The following ASTN2 variants were observed in gnomAD, a reference collection of about 807,000 sequenced individuals.
ASTN2 encodes astrotactin-2.
In ASTN2, 54 loss-of-function variants were observed where a neutral mutation model predicts 139.8. The observed-to-expected ratio is 0.39, with a 90% CI of 0.31 to 0.48. The LOEUF is 0.48. Ranked by LOEUF, ASTN2 falls within the 20% of genes least tolerant of loss-of-function variation. The pLI is 0.95. For synonymous variants in ASTN2, 756 were observed against 719.5 expected (o/e 1.05, Z -0.81); for missense variants, 1,565 against 1,725.1 (o/e 0.91, Z 1.64).
chr9:116,548,240 C>T (rs1476636173), intron 19 of ASTN2, among the ~76,000 whole-genome samples: 2 of 152,104 alleles, frequency 1.3e-5, no homozygotes, highest in Non-Finnish European at 2.9e-5. Flanking sequence ...CATCAGAGGC[C>T]GTGGCATTTG....
intron 5 of ASTN2, among the ~76,000 whole-genome samples, chr9:117,047,857 T>C (rs1324321349): frequency 1.3e-5 from 2 of 152,060 alleles, no homozygotes; most frequent in Admixed American, 6.5e-5. Flanking sequence ...GTTATTATTA[T>C]TATCATCATC....
chr9:116,796,229 T>C (rs1300103744), intron 13 of ASTN2, among the ~76,000 whole-genome samples: 3 of 152,206 alleles, frequency 2.0e-5, no homozygotes, highest in Non-Finnish European at 2.9e-5. Context: ...ATAATGTGTC[T>C]ATAGTCACAC....
intron 1 of ASTN2, among the ~76,000 whole-genome samples, chr9:117,404,404 A>C (rs1830922722): frequency 6.6e-6 from 1 of 152,220 alleles, no homozygotes; most frequent in Admixed American, 6.5e-5. Context: ...GCTGTGGATT[A>C]GCTGCAGGAC....
rs143502681 is a variant in ASTN2 at position 116,620,561 on chromosome 9, C to A, written c.3073-118G>T. The A allele has an allele frequency of 2.4e-5, 31 of 1,271,520 alleles. No individual in the cohort carries two copies. The Admixed American group carries it at 4.8e-4, about 19-fold the overall frequency. The allele number at this position is 1,271,520 out of a possible 1,614,324, so 78.8% of individuals were successfully genotyped here. On this transcript the variant is annotated intron_variant, in intron 17 of 22. Transcript: ENST00000313400. Reference sequence around the variant, plus strand: ...GGCTTTAGAGTAGCCCCTTTAAGCACAAGACACCATCTATTCCCTAAGTTC... The same window carrying A: ...GGCTTTAGAGTAGCCCCTTTAAGCAAAAGACACCATCTATTCCCTAAGTTC...
intron 16 of ASTN2, among the ~76,000 whole-genome samples, chr9:116,716,635 C>A (rs1293653927): frequency 6.6e-6 from 1 of 152,136 alleles, no homozygotes; most frequent in African/African-American, 2.4e-5. Flanking sequence ...AGAGTCCTGG[C>A]CCAGAACCTC....
intron 16 of ASTN2, among the ~76,000 whole-genome samples, chr9:116,659,508 G>C (rs1055500676): frequency 2.6e-5 from 4 of 152,074 alleles, no homozygotes; most frequent in Admixed American, 2.6e-4. Flanking sequence ...GTAAAGTAAC[G>C]TGACCAAAGT....
At chr9:116,621,388 G>A (rs1004128792) in intron 17 of ASTN2, among the ~76,000 whole-genome samples, 1 of 151,126 alleles carries the variant, frequency 6.6e-6, no homozygotes, top group Non-Finnish European at 1.5e-5. Context: ...TAATTGGAAT[G>A]TGCTTCATAG....
rs573896415 is a variant in ASTN2, at chr9:116,629,721, A to G, written c.3073-9278T>C. On this transcript the variant is annotated intron_variant, in intron 17 of 22. Coordinates refer to ENST00000313400, the MANE Select transcript of ASTN2 (RefSeq NM_001365068.1). ...CTGTCAGGATAAGCTTCACTTTTCAAGCCATTCTCCTCTGAATGATGAGAG... is the reference window on the plus strand; with the variant it reads ...CTGTCAGGATAAGCTTCACTTTTCAGGCCATTCTCCTCTGAATGATGAGAG... 2.0e-5 allele frequency among the ~76,000 whole-genome samples: 3 copies of G among 152,342 alleles called. No individual in the cohort carries two copies. In the East Asian group the frequency reaches 5.8e-4, roughly 29 times the overall value.
chr9:116,719,728 C>T (rs1346028564), intron 16 of ASTN2, among the ~76,000 whole-genome samples: 2 of 151,908 alleles, frequency 1.3e-5, no homozygotes, highest in African/African-American at 2.4e-5. Context: ...TCCTGTGAAA[C>T]TTCACTTACT....
At chr9:116,592,633 G>A (rs1449876882) in intron 19 of ASTN2, among the ~76,000 whole-genome samples, 1 of 152,112 alleles carries the variant, frequency 6.6e-6, no homozygotes, top group African/African-American at 2.4e-5. Flanking sequence ...TTCCATTTGA[G>A]CTTGGTTGCA....
rs2130988514 is a variant in ASTN2, at chr9:117,414,627, G to T, written c.312C>A (p.Ser104=). ...TGCCGGCAGAGCCAGGAGAGCCCGG[G>T]GACGCGGCGGCGGCGGCGGCTCCGG... The part of the protein sequence containing the change: ...TGAGAAAAAA[S]PGSPGSAGTA... Residue 104 remains serine, a synonymous_variant, in exon 1 of 23, where the codon TCC becomes TCA. Coordinates refer to ENST00000313400, the MANE Select transcript of ASTN2 (RefSeq NM_001365068.1). The surrounding 1 kb of genome is among the most constrained non-coding windows in gnomAD (Gnocchi z 4.2). 3.4e-6 allele frequency: 5 copies of T among 1,457,254 alleles called. No homozygotes were observed. The highest frequency in any genetic ancestry group is 4.5e-6 in the Non-Finnish European group (5 of 1,110,774). 90.3% of individuals were successfully genotyped at this position (1,457,254 alleles called of 1,614,324 possible).
At chr9:116,849,096 C>T (rs975204441) in intron 11 of ASTN2, among the ~76,000 whole-genome samples, 2 of 152,178 alleles carry the variant, frequency 1.3e-5, no homozygotes. Flanking sequence ...AAAAGTTGCA[C>T]AGGGCAAATA....
At position 117,194,659 on chromosome 9, in the gene ASTN2, C is replaced by T. The variant is rs1037005984; in HGVS notation, c.1015+19699G>A. Among the ~76,000 whole-genome samples the T allele has an allele frequency of 3.3e-5, 5 of 152,202 alleles. No individual in the cohort carries two copies. The East Asian group carries it at 9.6e-4, about 29-fold the overall frequency. The stretch of plus-strand genomic sequence containing the variant: ...GCTGACATCTAAGCTAATGTCTTTC[C>T]TCTCCTGCTCATATAAATGGACAGG... On this transcript the variant is annotated intron_variant, in intron 3 of 22. Transcript: ENST00000313400.
At chr9:117,310,415 C>G (rs2130814068) in intron 1 of ASTN2, among the ~76,000 whole-genome samples, 1 of 152,232 alleles carries the variant, frequency 6.6e-6, no homozygotes, top group East Asian at 1.9e-4. Context: ...TGGCGCTCGT[C>G]TTTCTAGTAC....
At chr9:117,130,677 A>G (rs1829806348) in intron 4 of ASTN2, among the ~76,000 whole-genome samples, 3 of 152,226 alleles carry the variant, frequency 2.0e-5, no homozygotes, top group African/African-American at 4.8e-5. Flanking sequence ...TGTCAGCCAT[A>G]TTGCTGAAAG....
intron 1 of ASTN2, among the ~76,000 whole-genome samples, chr9:117,399,321 T>C (rs970997493): frequency 4.6e-5 from 7 of 152,180 alleles, no homozygotes; most frequent in African/African-American, 1.7e-4. Flanking sequence ...TGAGGGAATA[T>C]TCACGCTGGA....
At chr9:117,342,184 G>A (rs934874471) in intron 1 of ASTN2, among the ~76,000 whole-genome samples, 1 of 152,000 alleles carries the variant, frequency 6.6e-6, no homozygotes, top group South Asian at 2.1e-4. Flanking sequence ...AGGCATCCTG[G>A]GTCTGTGAAT....
chr9:116,836,455 T>C (rs541886673), intron 11 of ASTN2, among the ~76,000 whole-genome samples: 4 of 152,288 alleles, frequency 2.6e-5, no homozygotes, highest in South Asian at 2.1e-4. Flanking sequence ...GAGGGGTGTG[T>C]TCATTTTAAT....
At chr9:116,869,370 T>C (rs984127319) in intron 10 of ASTN2, among the ~76,000 whole-genome samples, 1 of 152,182 alleles carries the variant, frequency 6.6e-6, no homozygotes, top group Non-Finnish European at 1.5e-5. Context: ...CACAGGGGAA[T>C]GTGCTCACAT....
Sources: gnomAD v4.1 joint callset for allele counts (sites outside exome capture counted in the v4.1 genomes callset) on GRCh38, gnomAD v4.1.1 for gene constraint, Gnocchi (gnomAD v3.1) non-coding constraint, MANE v1.5 for transcripts, NCBI Gene and HGNC (gene_info 2026-07-23, HGNC 2026-07-21) for gene names.